Variants in PPFIA2 observed in about 807,000 individuals in gnomAD.
PPFIA2 encodes the protein PPFI scaffold protein A2.
A neutral mutation model predicts 175.5 loss-of-function variants in PPFIA2; 46 were observed. The observed-to-expected ratio is 0.26, with a 90% CI of 0.21 to 0.34. PPFIA2 has a LOEUF of 0.34. Among genes scored for constraint, PPFIA2 ranks in the 10% least tolerant of loss-of-function variants. PPFIA2 has a pLI of 1.00. For synonymous variants in PPFIA2, 568 were observed against 511.4 expected (o/e 1.11, Z -1.49); for missense variants, 1,179 against 1,506.1 (o/e 0.78, Z 3.60).
At chr12:81,743,531 AAG>A (rs1167508603) in intron 3 of PPFIA2, among the ~76,000 whole-genome samples, 1 of 151,614 alleles carries the variant, frequency 6.6e-6, no homozygotes, top group African/African-American at 2.4e-5. Flanking sequence ...TTAAAAAAAA[AAG>A]AGAAATGTAG....
In PPFIA2 at chr12:81,521,714, G is replaced by A. The variant is rs575465352; in HGVS notation, c.304-63848C>T. 4.3e-3 allele frequency among the ~76,000 whole-genome samples: 654 copies of A among 151,320 alleles called. 3 individuals are homozygous for A. Among genetic ancestry groups the A allele is most frequent in the African/African-American group, 0.015 (616 of 41,268 alleles). On this transcript the variant is annotated intron_variant, in intron 4 of 32. Transcript: ENST00000549396. ...GGGCGCCTGTAGTCCCAGCTACTCC[G>A]GAGGCTGAGGCAGGAGAATGGCGTG...
intron 4 of PPFIA2, chr12:81,545,876 G>A (rs1346890305): frequency 1.3e-5 from 2 of 152,200 alleles, no homozygotes; most frequent in African/African-American, 4.8e-5. Context: ...TGTAATCCCA[G>A]AACTTTGGGA....
At chr12:81,745,133 T>C (rs1457131467) in intron 3 of PPFIA2, among the ~76,000 whole-genome samples, 3 of 152,186 alleles carry the variant, frequency 2.0e-5, no homozygotes, top group African/African-American at 4.8e-5. Flanking sequence ...GATTAGACAA[T>C]AAATTAATTA....
chr12:81,636,544 C>A lies in PPFIA2; in HGVS notation c.303+40247G>T, dbSNP rs866544204. On this transcript the variant is annotated intron_variant, in intron 4 of 32. Coordinates refer to ENST00000549396, the MANE Select transcript of PPFIA2 (RefSeq NM_003625.5). ...CCTCCCAAAGTGCTGGGATTACAGG[C>A]GTGAGCCACCGCGCCCGGCCAACTC... Among the ~76,000 whole-genome samples the A allele has an allele frequency of 7.0e-4, 104 of 149,522 alleles. 1 individual carries two copies. The highest frequency in any genetic ancestry group is 2.5e-4 in the Non-Finnish European group (17 of 67,524).
intron 7 of PPFIA2, among the ~76,000 whole-genome samples, chr12:81,422,532 G>C (rs1184760812): frequency 6.6e-6 from 1 of 152,040 alleles, no homozygotes; most frequent in East Asian, 1.9e-4. Flanking sequence ...ATTTGCTAAA[G>C]AAATTACTAC....
At position 81,719,038 on chromosome 12, in the gene PPFIA2, A is replaced by T. The variant is rs973889670; in HGVS notation, c.249+34935T>A. On this transcript the variant is annotated intron_variant, in intron 3 of 32. Coordinates refer to ENST00000549396, the MANE Select transcript of PPFIA2 (RefSeq NM_003625.5). ...AAAATATTTTATGTTTAAATTGACA[A>T]ATAAAGAACAAAAAACTATTCTTGG... 2.6e-5 allele frequency among the ~76,000 whole-genome samples: 4 copies of T among 151,678 alleles called. No homozygotes were observed. In the Admixed American group the frequency reaches 2.6e-4, roughly 10 times the overall value.
intron 4 of PPFIA2, among the ~76,000 whole-genome samples, chr12:81,481,534 C>CA (rs977818655): frequency 1.3e-4 from 20 of 151,656 alleles, no homozygotes; most frequent in South Asian, 4.2e-4. Context: ...GTACTGGTAC[C>CA]AAAAAAAATA....
intron 22 of PPFIA2, among the ~76,000 whole-genome samples, chr12:81,316,957 G>A (rs1448472087): frequency 6.6e-6 from 1 of 151,508 alleles, no homozygotes; most frequent in African/African-American, 2.4e-5. Flanking sequence ...CACAGTGCCT[G>A]GAAAGCTATA....
At chr12:81,392,613 C>A (rs968854992) in intron 8 of PPFIA2, among the ~76,000 whole-genome samples, 1 of 151,866 alleles carries the variant, frequency 6.6e-6, no homozygotes, top group African/African-American at 2.4e-5. Flanking sequence ...TGTTGTCTTT[C>A]TCACCTACCA....
At chr12:81,348,333 A>G (rs539899437) in intron 17 of PPFIA2, among the ~76,000 whole-genome samples, 2 of 152,316 alleles carry the variant, frequency 1.3e-5, no homozygotes, top group African/African-American at 4.8e-5. Context: ...TCTTTTCTTA[A>G]TATTAATACT....
chr12:81,295,100 G>T, intron 23 of PPFIA2, 65 bp from the exon 24 acceptor site: 1 of 1,423,726 alleles, frequency 7.0e-7, no homozygotes, highest in Non-Finnish European at 9.7e-7. Context: ...TGTCTCATAT[G>T]CTAGGAATTA....
At chr12:81,599,180 T>C (rs1159859770) in intron 4 of PPFIA2, among the ~76,000 whole-genome samples, 1 of 151,950 alleles carries the variant, frequency 6.6e-6, no homozygotes, top group Non-Finnish European at 1.5e-5. Context: ...GAGACTTCAG[T>C]AGGATAGGAA....
intron 4 of PPFIA2, among the ~76,000 whole-genome samples, chr12:81,524,577 C>T (rs112135098): frequency 1.7e-4 from 26 of 152,152 alleles, no homozygotes; most frequent in Non-Finnish European, 3.5e-4. Context: ...CACTGGTTCA[C>T]AACTGGACAA....
intron 4 of PPFIA2, among the ~76,000 whole-genome samples, chr12:81,559,296 G>A (rs1344655210): frequency 1.3e-5 from 2 of 152,216 alleles, no homozygotes; most frequent in Non-Finnish European, 2.9e-5. Flanking sequence ...ATTTGCACGT[G>A]TGGATGCATG....
chr12:81,482,650 C>T (rs1358367625), intron 4 of PPFIA2, among the ~76,000 whole-genome samples: 1 of 152,148 alleles, frequency 6.6e-6, no homozygotes, highest in Non-Finnish European at 1.5e-5. Context: ...GAAAACCAAA[C>T]ACTGCATGTT....
At chr12:81,657,716 T>A (rs1318089419) in intron 4 of PPFIA2, among the ~76,000 whole-genome samples, 1 of 152,192 alleles carries the variant, frequency 6.6e-6, no homozygotes, top group East Asian at 1.9e-4. Flanking sequence ...GCTTTTGTAA[T>A]TGCTAAAGTC....
intron 4 of PPFIA2, among the ~76,000 whole-genome samples, chr12:81,564,260 C>T (rs1242006150): frequency 6.6e-6 from 1 of 150,682 alleles, no homozygotes; most frequent in African/African-American, 2.4e-5. Context: ...AGAAAATTTA[C>T]AGAACTATAG....
intron 4 of PPFIA2, among the ~76,000 whole-genome samples, chr12:81,655,334 A>G (rs2067619469): frequency 6.6e-6 from 1 of 151,404 alleles, no homozygotes; most frequent in Non-Finnish European, 1.5e-5. Flanking sequence ...TTTTCTATAT[A>G]TTTTAGGTTT....
At position 81,405,878 on chromosome 12, in the gene PPFIA2, A is replaced by C; in HGVS notation, c.671T>G (p.Val224Gly). ...QEIVALREQN[V>G]HIQRKMASSE... ...TGATGCCATTTTTCTTTGTATATGA[A>C]CATTTTGTTCACGCAAGGCAACAAT... is the stretch of plus-strand genomic sequence containing the variant. Residue 224 changes from valine (V) to glycine (G), a missense_variant, in exon 8 of 33, where the codon GTT (valine) becomes GGT (glycine). Transcript: ENST00000549396. The C allele has an allele frequency of 2.5e-6, 4 of 1,571,962 alleles. No homozygotes were observed. The highest frequency in any genetic ancestry group is 3.5e-6 in the Non-Finnish European group (4 of 1,156,558).
Sources: allele counts gnomAD v4.1 joint callset (sites outside exome capture counted in the v4.1 genomes callset), GRCh38; gene constraint gnomAD v4.1.1; transcripts MANE v1.5; gene names NCBI Gene and HGNC (gene_info 2026-07-23, HGNC 2026-07-21).